PRKN: variants seen among roughly 807,000 people sequenced by gnomAD.
PRKN encodes the protein E3 ubiquitin-protein ligase parkin.
Under a neutral mutation model 59.5 loss-of-function variants are expected in PRKN, and 56 were observed. That is an observed-to-expected ratio of 0.94 (90% confidence interval 0.76 to 1.18). The LOEUF (loss-of-function observed/expected upper bound fraction) is 1.18. Among genes scored for constraint, PRKN ranks in the 50% most tolerant of loss-of-function variants. PRKN has a pLI of 0.00. For synonymous variants in PRKN, 250 were observed against 222.1 expected, an observed-to-expected ratio of 1.13 and a Z score of -1.12; for missense variants, 657 against 596.4, an observed-to-expected ratio of 1.10 and a Z score of -1.06.
chr6:161,934,571 C>A (rs77218585), intron 6 of PRKN, among the ~76,000 whole-genome samples: 1,922 of 152,296 alleles, frequency 0.013, 45 homozygotes, highest in African/African-American at 0.042. Context: ...TGTGTCTCAT[C>A]AGAATAGTTT....
At chr6:162,243,489 G>GA (rs1033197544) in intron 3 of PRKN, among the ~76,000 whole-genome samples, 35 of 151,692 alleles carry the variant, frequency 2.3e-4, no homozygotes, top group Admixed American at 3.9e-4. Context: ...TTGATCATTT[G>GA]AAAAAAAAGT....
chr6:161,437,588 C>T (rs561387857), intron 9 of PRKN, among the ~76,000 whole-genome samples: 8 of 152,252 alleles, frequency 5.3e-5, no homozygotes, highest in Admixed American at 3.3e-4. Context: ...TGGTTGCTGT[C>T]TGGAAAAGGG....
At chr6:162,550,990 T>C (rs774503049) in intron 1 of PRKN, among the ~76,000 whole-genome samples, 76 of 152,176 alleles carry the variant, frequency 5.0e-4, no homozygotes, top group Admixed American at 4.6e-4. Flanking sequence ...AAACAGAGAA[T>C]GTATGTATGA....
rs150616458 is a variant in PRKN at position 162,438,696 on chromosome 6, C to G, written c.171+4614G>C. 2.0e-5 allele frequency among the ~76,000 whole-genome samples: 3 copies of G among 152,270 alleles called. No individual in the cohort carries two copies. The East Asian group carries it at 5.8e-4, about 29-fold the overall frequency. ...CCTATAGGGAAGGTGTGATATTTCT[C>G]TGGCTTCTTTCAAGATCTAAAATTT... On this transcript the variant is annotated intron_variant, in intron 2 of 11. Transcript: ENST00000366898.
At chr6:161,975,342 A>G (rs1780987211) in intron 5 of PRKN, among the ~76,000 whole-genome samples, 1 of 152,116 alleles carries the variant, frequency 6.6e-6, no homozygotes, top group Admixed American at 6.6e-5. Context: ...TTGGCCTCCC[A>G]AAGTGCTGGG....
chr6:161,884,493 T>C (rs1028699826), intron 6 of PRKN, among the ~76,000 whole-genome samples: 2 of 152,220 alleles, frequency 1.3e-5, no homozygotes, highest in Non-Finnish European at 1.5e-5. Flanking sequence ...ACTCAAGTGC[T>C]TCAGGCCTTC....
Position 161,413,219 on chromosome 6 carries a change from G to C in PRKN, c.1084-26342C>G, listed in dbSNP as rs1787671280. ...TCCCATTTATTTGTGGAAACCCACT[G>C]TCTCCCGGACACTGGCCTCCAGGGC... On this transcript the variant is annotated intron_variant, in intron 9 of 11. Transcript: ENST00000366898. This position sits in a 1 kb window ranked among gnomAD's most constrained non-coding sequence, Gnocchi z 4.4. Among the ~76,000 whole-genome samples the C allele has an allele frequency of 6.6e-6, 1 of 152,164 alleles. No individual in the cohort carries two copies. Among genetic ancestry groups the C allele is most frequent in the African/African-American group, 2.4e-5 (1 of 41,424 alleles).
intron 2 of PRKN, among the ~76,000 whole-genome samples, chr6:162,323,494 C>T (rs1583379220): frequency 6.6e-6 from 1 of 151,668 alleles, no homozygotes; most frequent in African/African-American, 2.4e-5. Flanking sequence ...TTGCAAATCA[C>T]ATATTTGATA....
intron 4 of PRKN, among the ~76,000 whole-genome samples, chr6:162,154,552 G>T (rs116864210): frequency 6.6e-6 from 1 of 151,182 alleles, no homozygotes; most frequent in South Asian, 2.1e-4. Flanking sequence ...AAAGAAATGA[G>T]ATGAAGTGTG....
At chr6:162,689,668 C>T (rs1215526696) in intron 1 of PRKN, among the ~76,000 whole-genome samples, 1 of 152,114 alleles carries the variant, frequency 6.6e-6, no homozygotes, top group Non-Finnish European at 1.5e-5. Flanking sequence ...AACAAGTCTC[C>T]AGGAAAAGGA....
chr6:162,702,112 T>C (rs1171623847), intron 1 of PRKN, among the ~76,000 whole-genome samples: 2 of 152,140 alleles, frequency 1.3e-5, no homozygotes, highest in African/African-American at 2.4e-5. Context: ...ACAATTGTTC[T>C]ACAAGATTAA....
chr6:161,471,998 C>T lies in PRKN; in HGVS notation c.1083+76856G>A, dbSNP rs147004853. On this transcript the variant is annotated intron_variant, in intron 9 of 11. Transcript: ENST00000366898. This position sits in a 1 kb window ranked among gnomAD's most constrained non-coding sequence, Gnocchi z 4.5. ...TACTGAAGCCTATGAAGAAGAAGTT[C>T]TCTCTCATTTGAAAAATTTTTGAAA... Among the ~76,000 whole-genome samples the T allele has an allele frequency of 4.5e-3, 686 of 152,032 alleles. 3 individuals are homozygous for T. The highest frequency in any genetic ancestry group is 0.015 in the African/African-American group (639 of 41,458).
At chr6:161,950,747 A>C (rs1252428560) in intron 6 of PRKN, among the ~76,000 whole-genome samples, 1 of 152,132 alleles carries the variant, frequency 6.6e-6, no homozygotes, top group African/African-American at 2.4e-5. Context: ...GGAAACATTT[A>C]AATATTTACA....
chr6:161,921,672 T>C (rs766569384), intron 6 of PRKN, among the ~76,000 whole-genome samples: 8 of 152,196 alleles, frequency 5.3e-5, no homozygotes, highest in Non-Finnish European at 1.2e-4. Context: ...AGTGTCATTG[T>C]CATTATACAA....
intron 7 of PRKN, among the ~76,000 whole-genome samples, chr6:161,655,151 G>C (rs531755566): frequency 3.5e-5 from 5 of 141,990 alleles, no homozygotes; most frequent in South Asian, 2.1e-4. Flanking sequence ...CCCAGTTACA[G>C]AGGCATTCCT....
intron 1 of PRKN, among the ~76,000 whole-genome samples, chr6:162,487,767 G>A (rs1375993104): frequency 6.6e-6 from 1 of 151,788 alleles, no homozygotes; most frequent in East Asian, 1.9e-4. Context: ...AAATAACCTA[G>A]CAAAACTGTT....
intron 2 of PRKN, among the ~76,000 whole-genome samples, chr6:162,272,880 C>T (rs947248732): frequency 6.6e-6 from 1 of 151,196 alleles, no homozygotes; most frequent in African/African-American, 2.4e-5. Context: ...TGCCTGTAAT[C>T]CCAGCTACAG....
chr6:162,279,514 T>C (rs1465230495), intron 2 of PRKN, among the ~76,000 whole-genome samples: 1 of 152,138 alleles, frequency 6.6e-6, no homozygotes, highest in African/African-American at 2.4e-5. Flanking sequence ...GTCTTAATCC[T>C]GAGTTCTAAT....
intron 1 of PRKN, among the ~76,000 whole-genome samples, chr6:162,443,779 G>T (rs1365458129): frequency 6.6e-6 from 1 of 152,158 alleles, no homozygotes; most frequent in African/African-American, 2.4e-5. Flanking sequence ...GATTGGAATT[G>T]AAAGAGTCCC....
Sources: gnomAD v4.1 joint callset for allele counts (sites outside exome capture counted in the v4.1 genomes callset) on GRCh38, gnomAD v4.1.1 for gene constraint, Gnocchi (gnomAD v3.1) non-coding constraint, MANE v1.5 for transcripts, NCBI Gene and HGNC (gene_info 2026-07-23, HGNC 2026-07-21) for gene names.